Variants in PPP2R2D observed in about 807,000 individuals in gnomAD.
PPP2R2D encodes the protein serine/threonine-protein phosphatase 2A 55 kDa regulatory subunit B delta isoform.
PPP2R2D carries 9 observed loss-of-function variants against 31.1 expected under a neutral mutation model. The ratio of observed to expected loss-of-function variants is 0.29; its 90% CI spans 0.17 to 0.51. The LOEUF is 0.51. Ranked by LOEUF, PPP2R2D falls within the 20% of genes least tolerant of loss-of-function variation. PPP2R2D has a pLI of 0.98. For synonymous variants in PPP2R2D, 179 were observed against 172.6 expected, an observed-to-expected ratio of 1.04 and a Z score of -0.29; for missense variants, 391 against 465.6, an observed-to-expected ratio of 0.84 and a Z score of 1.48.
At chr10:131,932,354 G>A (rs1203816150) in intron 2 of PPP2R2D, among the ~76,000 whole-genome samples, 3 of 152,124 alleles carry the variant, frequency 2.0e-5, no homozygotes, top group Admixed American at 6.5e-5. Context: ...GAGGCAGAAC[G>A]CAGCCATGGT....
At chr10:131,914,972 G>A (rs934321884) in intron 2 of PPP2R2D, among the ~76,000 whole-genome samples, 2 of 152,042 alleles carry the variant, frequency 1.3e-5, no homozygotes, top group Non-Finnish European at 2.9e-5. Context: ...TTTTCTCTCC[G>A]TGCACCCCTA....
chr10:131,950,737 C>CT (rs1301893458), intron 8 of PPP2R2D, among the ~76,000 whole-genome samples: 2 of 152,146 alleles, frequency 1.3e-5, no homozygotes, highest in African/African-American at 4.8e-5. Flanking sequence ...GCTCTGCCAC[C>CT]TGGACGGCCT....
At chr10:131,961,776 G>C (rs2036923248), downstream of PPP2R2D, among the ~76,000 whole-genome samples, 1 of 152,176 alleles carries the variant, frequency 6.6e-6, no homozygotes, top group Non-Finnish European at 1.5e-5. Context: ...CCTCTGGCCA[G>C]GGCAGGTGGT....
chr10:131,918,070 G>T (rs1195695203), intron 2 of PPP2R2D, among the ~76,000 whole-genome samples: 5 of 143,896 alleles, frequency 3.5e-5, no homozygotes, highest in Non-Finnish European at 6.1e-5. Context: ...AGGGACCTCA[G>T]GCGGGTGGAG....
rs72636964 is a variant in PPP2R2D, at chr10:131,958,391, A to G, written c.*2428A>G. On this transcript the variant is annotated 3_prime_UTR_variant, in exon 9 of 9. Transcript: ENST00000455566. The stretch of plus-strand genomic sequence containing the variant: ...AGATGAAGGTGTGTGCTGATTCCTC[A>G]TGCCCCTGTGGAGATGGAGGTGTGT... 39,290 of 137,402 alleles carry G rather than the reference A, an allele frequency of 0.29. 5,897 individuals are homozygous for G. Among genetic ancestry groups the G allele is most frequent in the East Asian group, 0.49 (1,822 of 3,716 alleles). The allele number at this position is 137,402 out of a possible 1,614,324, so 8.5% of individuals were successfully genotyped here.
chr10:131,958,616 C>T lies in PPP2R2D; in HGVS notation c.*2653C>T, dbSNP rs1176752974. ...TGAAGGTGTGTGCTGATCTCTTGTCCCCCTGTGGAGATGGAGGTGTGTGCT... is the reference window on the plus strand; with the variant it reads ...TGAAGGTGTGTGCTGATCTCTTGTCTCCCTGTGGAGATGGAGGTGTGTGCT... On this transcript the variant is annotated 3_prime_UTR_variant, in exon 9 of 9. Transcript: ENST00000455566. The T allele has an allele frequency of 3.8e-5, 9 of 236,052 alleles. No homozygotes were observed. The Admixed American group carries it at 5.4e-4, about 14-fold the overall frequency. 14.6% of individuals were successfully genotyped at this position (236,052 alleles called of 1,614,324 possible). A position where few individuals can be genotyped will look rare whatever the true frequency, so the allele number is the denominator to read the frequency against.
chr10:131,966,445 C>G, the PPP2R2D span: 3 of 152,220 alleles, frequency 2.0e-5, no homozygotes, highest in East Asian at 5.8e-4. Flanking sequence ...CATTCAGATA[C>G]GCACACACAT....
chr10:131,925,075 G>A (rs2036077679), intron 2 of PPP2R2D, among the ~76,000 whole-genome samples: 2 of 152,152 alleles, frequency 1.3e-5, no homozygotes. Context: ...AGGATTTCCT[G>A]TATACAATAT....
At chr10:131,964,951 A>T in the PPP2R2D span, among the ~76,000 whole-genome samples, 1 of 152,162 alleles carries the variant, frequency 6.6e-6, no homozygotes, top group Non-Finnish European at 1.5e-5. Flanking sequence ...ACCCCGGGGT[A>T]ACCAATCTCA....
At chr10:131,914,826 G>C (rs1350078309) in intron 2 of PPP2R2D, among the ~76,000 whole-genome samples, 1 of 152,186 alleles carries the variant, frequency 6.6e-6, no homozygotes, top group African/African-American at 2.4e-5. Context: ...ACTGAACAGA[G>C]ACTTTGGCTT....
At chr10:131,942,030 A>G (rs191215137) in intron 5 of PPP2R2D, among the ~76,000 whole-genome samples, 1 of 152,280 alleles carries the variant, frequency 6.6e-6, no homozygotes, top group East Asian at 1.9e-4. Flanking sequence ...CAGTAACACG[A>G]GTTGTGCAGT....
At chr10:131,932,400 T>A (rs2036251919) in intron 2 of PPP2R2D, among the ~76,000 whole-genome samples, 1 of 152,092 alleles carries the variant, frequency 6.6e-6, no homozygotes, top group South Asian at 2.1e-4. Flanking sequence ...TAACTCACTT[T>A]GGGAAGCTGA....
Position 131,958,056 on chromosome 10 carries a change from C to G in PPP2R2D, c.*2093C>G. On this transcript the variant is annotated 3_prime_UTR_variant, in exon 9 of 9. Coordinates refer to ENST00000455566, the MANE Select transcript of PPP2R2D (RefSeq NM_018461.5). ...GAGATGAAGGTGTGTGCTGATCCCC[C>G]ATCCCCATGTGGAGATGAAGGGGTG... 6.6e-6 allele frequency: 1 copy of G among 152,454 alleles called. No individual in the cohort carries two copies. The highest frequency in any genetic ancestry group is 1.4e-5 in the Non-Finnish European group (1 of 73,220). The allele number at this position is 152,454 out of a possible 1,614,324, so 9.4% of individuals were successfully genotyped here.
chr10:131,903,819 A>G (rs1236380190), intron 2 of PPP2R2D, among the ~76,000 whole-genome samples: 5 of 152,228 alleles, frequency 3.3e-5, no homozygotes, highest in African/African-American at 1.2e-4. Flanking sequence ...AGGGAAGTGT[A>G]GTCGTTAGTC....
intron 2 of PPP2R2D, among the ~76,000 whole-genome samples, chr10:131,930,777 G>A (rs1245711645): frequency 1.3e-5 from 2 of 152,184 alleles, no homozygotes; most frequent in East Asian, 1.9e-4. Context: ...GCCTGGGAAC[G>A]GGGCCTTGGA....
chr10:131,937,361 T>G (rs1408516470), intron 3 of PPP2R2D, among the ~76,000 whole-genome samples: 1 of 152,198 alleles, frequency 6.6e-6, no homozygotes, highest in Non-Finnish European at 1.5e-5. Flanking sequence ...CCCTCCAGGC[T>G]CAGCTCTAGC....
At chr10:131,917,025 G>A (rs11146255) in intron 2 of PPP2R2D, among the ~76,000 whole-genome samples, 33,177 of 136,394 alleles carry the variant, frequency 0.24, 1,937 homozygotes, top group East Asian at 0.38. Context: ...GGGACCTCAC[G>A]TGGGTGGAAT....
At chr10:131,932,094 A>G (rs2036241546) in intron 2 of PPP2R2D, among the ~76,000 whole-genome samples, 1 of 152,170 alleles carries the variant, frequency 6.6e-6, no homozygotes, top group Non-Finnish European at 1.5e-5. Flanking sequence ...CGCATGGCCC[A>G]CCATGTTCGG....
intron 2 of PPP2R2D, among the ~76,000 whole-genome samples, chr10:131,926,961 C>T (rs765440150): frequency 8.5e-5 from 13 of 152,152 alleles, no homozygotes; most frequent in Non-Finnish European, 1.8e-4. Flanking sequence ...CTGGCTACAG[C>T]GAGTTCATGA....
Sources: gnomAD v4.1 joint callset for allele counts (sites outside exome capture counted in the v4.1 genomes callset) on GRCh38, gnomAD v4.1.1 for gene constraint, MANE v1.5 for transcripts, NCBI Gene and HGNC (gene_info 2026-07-23, HGNC 2026-07-21) for gene names.